The following RIMKLB variants were observed in gnomAD, a reference collection of about 807,000 sequenced individuals.
The protein encoded by RIMKLB is beta-citrylglutamate synthase B.
In RIMKLB, 7 loss-of-function variants were observed where a neutral mutation model predicts 32.0. The ratio of observed to expected loss-of-function variants is 0.22; its 90% CI spans 0.12 to 0.41. The LOEUF (loss-of-function observed/expected upper bound fraction) is 0.41. Ranked by LOEUF, RIMKLB falls within the 10% of genes least tolerant of loss-of-function variation. RIMKLB has a pLI of 1.00. For synonymous variants in RIMKLB, 172 were observed against 185.1 expected (o/e 0.93, Z 0.57); for missense variants, 289 against 498.7 (o/e 0.58, Z 4.00).
rs1402955266 is a variant in RIMKLB at position 8,775,118 on chromosome 12, T to C, written c.*1334T>C. The C allele has an allele frequency of 1.0e-6, 1 of 985,710 alleles. No individual in the cohort carries two copies. The highest frequency in any genetic ancestry group is 1.1e-4 in the East Asian group (1 of 8,834). The allele number at this position is 985,710 out of a possible 1,614,324, so 61.1% of individuals were successfully genotyped here. ...TGTACGTTGTTTGTTTTTTTCCTTT[T>C]GTTTCTAGCCTGTTCAGTGTACAGT... On this transcript the variant is annotated 3_prime_UTR_variant, in exon 6 of 6. Coordinates refer to ENST00000535829, the MANE Select transcript of RIMKLB (RefSeq NM_001297776.2).
chr12:8,704,490 A>G (rs1943675202), intron 1 of RIMKLB, among the ~76,000 whole-genome samples: 1 of 152,224 alleles, frequency 6.6e-6, no homozygotes, highest in South Asian at 2.1e-4. Context: ...TAACCTGTAG[A>G]AAGAGAAATT....
intron 5 of RIMKLB, among the ~76,000 whole-genome samples, chr12:8,764,303 A>C (rs1182777647): frequency 6.6e-6 from 1 of 152,062 alleles, no homozygotes; most frequent in Admixed American, 6.5e-5. Context: ...CTTCAGGATT[A>C]ATTCCTTCCT....
intron 2 of RIMKLB, among the ~76,000 whole-genome samples, chr12:8,732,131 C>T (rs1946601749): frequency 6.6e-6 from 1 of 151,802 alleles, no homozygotes; most frequent in African/African-American, 2.4e-5. Flanking sequence ...AGCTTGAGAC[C>T]CTGTTGGTAT....
intron 2 of RIMKLB, among the ~76,000 whole-genome samples, chr12:8,739,507 G>A (rs1037809249): frequency 4.0e-5 from 6 of 151,848 alleles, no homozygotes; most frequent in Non-Finnish European, 8.8e-5. Flanking sequence ...TTTGAGACAG[G>A]GCCTGTCACC....
intron 5 of RIMKLB, 137 bp downstream of exon 5, chr12:8,754,230 TAC>T: frequency 3.1e-6 from 2 of 641,054 alleles, no homozygotes; most frequent in East Asian, 2.7e-5. Context: ...ATATGATTTT[TAC>T]ACATGCCATC....
intron 5 of RIMKLB, among the ~76,000 whole-genome samples, chr12:8,771,991 C>T (rs138472054): frequency 0.034 from 5,173 of 152,194 alleles, 258 homozygotes; most frequent in African/African-American, 0.11. Flanking sequence ...TGGGTTCAAG[C>T]GATTCTTGTG....
chr12:8,776,127 TTGG>T lies in RIMKLB; in HGVS notation c.*2347_*2349del, dbSNP rs1379926665. The T allele has an allele frequency of 6.1e-6, 6 of 985,086 alleles. No homozygotes were observed. The Admixed American group carries it at 2.5e-4, about 40-fold the overall frequency. 61.0% of individuals were successfully genotyped at this position (985,086 alleles called of 1,614,324 possible). On this transcript the variant is annotated 3_prime_UTR_variant, in exon 6 of 6. Transcript: ENST00000535829. ...CACAAGTATGTAGTTCATGTTTGTGTTGGTGGGGTAAGGCATCAGGAAAAATGT... is the reference window on the plus strand; with the variant it reads ...CACAAGTATGTAGTTCATGTTTGTGTTGGGGTAAGGCATCAGGAAAAATGT...
In RIMKLB at chr12:8,776,870, ATC is replaced by A. The variant is rs1315572665; in HGVS notation, c.*3090_*3091del. On this transcript the variant is annotated 3_prime_UTR_variant, in exon 6 of 6. Coordinates refer to ENST00000535829, the MANE Select transcript of RIMKLB (RefSeq NM_001297776.2). ...ATTGAAGGCATTGACTTTGAAAATC[ATC>A]TCTTTTTCTCAAGAAGAAAGCAATG... is the stretch of plus-strand genomic sequence containing the variant. The A allele has an allele frequency of 2.0e-5, 20 of 985,806 alleles. No individual in the cohort carries two copies. Among genetic ancestry groups the A allele is most frequent in the Admixed American group, 1.8e-4 (3 of 16,280 alleles). The allele number at this position is 985,806 out of a possible 1,614,324, so 61.1% of individuals were successfully genotyped here. A position where few individuals can be genotyped will look rare whatever the true frequency, so the allele number is the denominator to read the frequency against.
intron 5 of RIMKLB, among the ~76,000 whole-genome samples, chr12:8,765,170 AG>A (rs1369234761): frequency 1.4e-4 from 22 of 151,920 alleles, no homozygotes; most frequent in African/African-American, 4.8e-4. Context: ...TGCTTCCCTT[AG>A]TCTCTCCAGA....
rs1425940430 is a variant in RIMKLB, at chr12:8,774,873, TATGTGTATGTGTGTGCACGCATGC to T, written c.*1102_*1125del. 12 of 985,536 alleles carry T rather than the reference TATGTGTATGTGTGTGCACGCATGC, an allele frequency of 1.2e-5. No individual in the cohort carries two copies. The highest frequency in any genetic ancestry group is 3.5e-5 in the African/African-American group (2 of 57,232). The allele number at this position is 985,536 out of a possible 1,614,324, so 61.0% of individuals were successfully genotyped here. A position where few individuals can be genotyped will look rare whatever the true frequency, so the allele number is the denominator to read the frequency against. The stretch of plus-strand genomic sequence containing the variant: ...ATTTTTCACATTTTACGAGGGAGTA[TATGTGTATGTGTGTGCACGCATGC>T]ATGTGTATGTGTTTTGCTTTTTGTT... On this transcript the variant is annotated 3_prime_UTR_variant, in exon 6 of 6. Transcript: ENST00000535829.
chr12:8,720,582 G>A (rs1294376734), intron 2 of RIMKLB, among the ~76,000 whole-genome samples: 3 of 152,100 alleles, frequency 2.0e-5, no homozygotes, highest in African/African-American at 4.8e-5. Context: ...GGCTCTTGTC[G>A]CCCAGGCCGG....
At chr12:8,724,013 T>G (rs1386260447) in intron 2 of RIMKLB, among the ~76,000 whole-genome samples, 1 of 146,442 alleles carries the variant, frequency 6.8e-6, no homozygotes, top group East Asian at 1.9e-4. Context: ...GTTTTGTTTT[T>G]ATGGAGTTGG....
rs769048481 is a variant in RIMKLB at position 8,764,101 on chromosome 12, T to C, written c.698-9220T>C. On this transcript the variant is annotated intron_variant, in intron 5 of 5. Coordinates refer to ENST00000535829, the MANE Select transcript of RIMKLB (RefSeq NM_001297776.2). Reference sequence around the variant, plus strand: ...CCGTTGGGTTTCTGTACTCCTAAAATTGGAGTATTGTAGGGGCTACTGCAT... The same window carrying C: ...CCGTTGGGTTTCTGTACTCCTAAAACTGGAGTATTGTAGGGGCTACTGCAT... Among the ~76,000 whole-genome samples, 7 of 152,232 alleles carry C rather than the reference T, an allele frequency of 4.6e-5. No homozygotes were observed. In the South Asian group the frequency reaches 1.5e-3, roughly 32 times the overall value.
intron 2 of RIMKLB, among the ~76,000 whole-genome samples, chr12:8,724,666 C>T (rs1324648139): frequency 6.6e-6 from 1 of 152,166 alleles, no homozygotes; most frequent in Non-Finnish European, 1.5e-5. Flanking sequence ...GACCCTGAGC[C>T]TGAGTCTGCA....
intron 1 of RIMKLB, among the ~76,000 whole-genome samples, chr12:8,699,422 A>G (rs1943188657): frequency 6.6e-6 from 1 of 152,238 alleles, no homozygotes; most frequent in Admixed American, 6.5e-5. Context: ...ATGATTTCTT[A>G]AAAGCAATTA....
upstream of RIMKLB, among the ~76,000 whole-genome samples, chr12:8,677,654 G>C (rs1046267237): frequency 2.0e-5 from 3 of 152,064 alleles, no homozygotes; most frequent in East Asian, 1.9e-4. Context: ...CTTAGGATGC[G>C]GACGAAACTC....
chr12:8,748,253 C>T (rs1048108395), intron 2 of RIMKLB, among the ~76,000 whole-genome samples: 2 of 152,102 alleles, frequency 1.3e-5, no homozygotes, highest in Non-Finnish European at 2.9e-5. Context: ...TTGCATTCTG[C>T]AGTTTTCAGT....
At chr12:8,698,859 C>G (rs1017353704) in intron 1 of RIMKLB, among the ~76,000 whole-genome samples, 1 of 152,100 alleles carries the variant, frequency 6.6e-6, no homozygotes, top group Non-Finnish European at 1.5e-5. Flanking sequence ...TTGACAGTCT[C>G]TGAATGAGAA....
upstream of RIMKLB, among the ~76,000 whole-genome samples, chr12:8,695,177 T>C (rs1028978473): frequency 1.1e-4 from 16 of 150,226 alleles, no homozygotes; most frequent in East Asian, 2.7e-3. Context: ...GGGATTCAAT[T>C]GCCGCACCGC....
Sources: gnomAD v4.1 joint callset for allele counts (sites outside exome capture counted in the v4.1 genomes callset) on GRCh38, gnomAD v4.1.1 for gene constraint, MANE v1.5 for transcripts, NCBI Gene and HGNC (gene_info 2026-07-23, HGNC 2026-07-21) for gene names.